The following STIM1 variants were observed in gnomAD, a reference collection of about 807,000 sequenced individuals.
STIM1 encodes the protein stromal interaction molecule 1.
In STIM1, 25 loss-of-function variants were observed where a neutral mutation model predicts 74.7. That is an observed-to-expected ratio of 0.33 (90% confidence interval 0.24 to 0.47). STIM1 has a LOEUF of 0.47. Ranked by LOEUF, STIM1 falls within the 20% of genes least tolerant of loss-of-function variation. The probability of loss-of-function intolerance (pLI) is 1.00; values close to 1 mark genes in which losing one functional copy is unlikely to be tolerated. For synonymous variants in STIM1, 328 were observed against 348.8 expected, an observed-to-expected ratio of 0.94 and a Z score of 0.66; for missense variants, 728 against 920.8, an observed-to-expected ratio of 0.79 and a Z score of 2.71.
intron 2 of STIM1, among the ~76,000 whole-genome samples, chr11:4,014,069 A>G (rs915321787): frequency 7.2e-5 from 11 of 151,822 alleles, no homozygotes; most frequent in Admixed American, 4.6e-4. Flanking sequence ...CTGTGATCTT[A>G]GTTATTTCTT....
intron 3 of STIM1, among the ~76,000 whole-genome samples, chr11:4,036,037 T>C (rs1452755509): frequency 6.6e-6 from 1 of 152,154 alleles, no homozygotes; most frequent in African/African-American, 2.4e-5. Context: ...TGACAATGTA[T>C]GTTGTTCCCC....
chr11:4,012,984 A>T (rs2093854345), intron 2 of STIM1, among the ~76,000 whole-genome samples: 2 of 152,318 alleles, frequency 1.3e-5, no homozygotes, highest in Middle Eastern at 3.4e-3. Context: ...TGAGATAATC[A>T]TGTGATTTTT....
At chr11:4,015,072 G>A (rs1044490102) in intron 2 of STIM1, among the ~76,000 whole-genome samples, 2 of 152,210 alleles carry the variant, frequency 1.3e-5, no homozygotes, top group Non-Finnish European at 2.9e-5. Context: ...ATTGTTAGGT[G>A]TGAATTTGAT....
chr11:4,033,741 G>T (rs1187136075), intron 3 of STIM1, among the ~76,000 whole-genome samples: 3 of 151,770 alleles, frequency 2.0e-5, no homozygotes, highest in African/African-American at 7.3e-5. Flanking sequence ...GACTACAGGT[G>T]CCCACCACTG....
At position 4,091,346 on chromosome 11, in the gene STIM1, A is replaced by G; in HGVS notation, c.1699A>G (p.Lys567Glu). 6.2e-6 allele frequency: 10 copies of G among 1,614,130 alleles called. No homozygotes were observed. The highest frequency in any genetic ancestry group is 8.5e-6 in the Non-Finnish European group (10 of 1,180,024). ...HMSDRQRVAP[K>E]PPQMSRAADE... is the part of the protein sequence containing the mutation. ...GAGTGACCGCCAGCGTGTGGCCCCC[A>G]AACCTCCTCAGATGAGCCGTGCTGC... Residue 567 changes from lysine (K) to glutamate (E), a missense_variant, in exon 13 of 13, where the codon AAA (lysine) becomes GAA (glutamate). Around this residue, in one of 5 missense-constraint regions of STIM1, gnomAD observed 352 missense variants for 370.1 expected, o/e 0.95. Transcript: ENST00000526596.
At chr11:3,898,726 C>A (rs1230807038) in intron 1 of STIM1, among the ~76,000 whole-genome samples, 4 of 151,294 alleles carry the variant, frequency 2.6e-5, no homozygotes, top group Non-Finnish European at 5.9e-5. Flanking sequence ...TTTCAGCTTT[C>A]TACATATGGC....
chr11:4,083,746 T>C (rs2094477675), intron 10 of STIM1: 1 of 522,334 alleles, frequency 1.9e-6, no homozygotes, highest in Admixed American at 3.3e-5. Context: ...TCTCCCTTCA[T>C]TCTTTTTCAC....
intron 1 of STIM1, among the ~76,000 whole-genome samples, chr11:3,909,360 G>T (rs1565111622): frequency 6.6e-6 from 1 of 152,110 alleles, no homozygotes; most frequent in South Asian, 2.1e-4. Flanking sequence ...TGGGGGTATG[G>T]GTATAACATA....
At chr11:3,994,492 A>T (rs1590630382) in intron 2 of STIM1, among the ~76,000 whole-genome samples, 1 of 127,686 alleles carries the variant, frequency 7.8e-6, no homozygotes, top group African/African-American at 2.9e-5. Flanking sequence ...ACATAGTCTC[A>T]CTCTGTCACC....
intron 1 of STIM1, among the ~76,000 whole-genome samples, chr11:3,901,088 G>T (rs897240360): frequency 1.3e-5 from 2 of 152,196 alleles, no homozygotes; most frequent in African/African-American, 4.8e-5. Context: ...CTGCTCTGGA[G>T]GTTGAGGCAG....
intron 1 of STIM1, among the ~76,000 whole-genome samples, chr11:3,962,375 A>G (rs1022814706): frequency 2.6e-5 from 4 of 152,110 alleles, no homozygotes; most frequent in African/African-American, 4.8e-5. Context: ...CACTTCAGAT[A>G]GCGGCCTCCA....
intron 2 of STIM1, among the ~76,000 whole-genome samples, chr11:3,977,491 A>G (rs1565134405): frequency 6.6e-6 from 1 of 152,252 alleles, no homozygotes; most frequent in Non-Finnish European, 1.5e-5. Flanking sequence ...GAGAAGTTAC[A>G]TAATCCCTTT....
At position 4,091,799 on chromosome 11, in the gene STIM1, G is replaced by C. The variant is rs137935269; in HGVS notation, c.*1G>C. 2.3e-4 allele frequency: 369 copies of C among 1,602,324 alleles called. 3 individuals carry two copies. The Middle Eastern group carries it at 4.6e-3, about 20-fold the overall frequency. On this transcript the variant is annotated 3_prime_UTR_variant, in exon 13 of 13. Transcript: ENST00000526596. ...CTTTAAGAAGCCTCTTAAGAAGTAG[G>C]CAGGATGGGGTGGCAGTAAAGGGAC...
chr11:4,051,191 T>G (rs897523407), intron 3 of STIM1, among the ~76,000 whole-genome samples: 1 of 152,180 alleles, frequency 6.6e-6, no homozygotes, highest in Non-Finnish European at 1.5e-5. Flanking sequence ...CTATTTTGCA[T>G]CAACACACTT....
At chr11:4,033,222 T>C (rs949015805) in intron 3 of STIM1, among the ~76,000 whole-genome samples, 2 of 152,174 alleles carry the variant, frequency 1.3e-5, no homozygotes, top group Admixed American at 1.3e-4. Context: ...TCTATATCTC[T>C]GTTTTGGTAC....
chr11:4,072,484 C>G (rs1228534212), intron 6 of STIM1, among the ~76,000 whole-genome samples: 4 of 152,220 alleles, frequency 2.6e-5, no homozygotes, highest in African/African-American at 9.7e-5. Flanking sequence ...CATAGTCACA[C>G]AACTGCTTAG....
At chr11:4,042,865 C>T (rs534712007) in intron 3 of STIM1, among the ~76,000 whole-genome samples, 232 of 152,284 alleles carry the variant, frequency 1.5e-3, no homozygotes, top group Non-Finnish European at 2.7e-3. Flanking sequence ...AAATCCTAGG[C>T]ATCTCAAACA....
intron 2 of STIM1, among the ~76,000 whole-genome samples, chr11:3,972,175 C>T (rs1363158415): frequency 6.6e-6 from 1 of 152,200 alleles, no homozygotes. Context: ...TGAAGGGGTG[C>T]TCTATTGAGG....
chr11:3,974,906 T>C (rs2093431648), intron 2 of STIM1, among the ~76,000 whole-genome samples: 1 of 152,224 alleles, frequency 6.6e-6, no homozygotes, highest in Non-Finnish European at 1.5e-5. Context: ...CTAAGACCAT[T>C]GTCCCCTTGA....
Sources: gnomAD v4.1 joint callset for allele counts (sites outside exome capture counted in the v4.1 genomes callset) on GRCh38, gnomAD v4.1.1 for gene constraint, gnomAD v4.1.1 regional missense constraint, MANE v1.5 for transcripts, NCBI Gene and HGNC (gene_info 2026-07-23, HGNC 2026-07-21) for gene names.